Variants in GPR89A observed in about 807,000 individuals in gnomAD.
The protein encoded by GPR89A is golgi pH regulator A, also known as G protein-coupled receptor 89A.
GPR89A carries 16 observed loss-of-function variants against 52.0 expected under a neutral mutation model. The observed-to-expected ratio is 0.31, with a 90% CI of 0.21 to 0.47. GPR89A has a LOEUF of 0.47. GPR89A is among the 20% of genes least tolerant of loss of function. The pLI is 1.00. For missense variants in GPR89A, 135 were observed against 449.4 expected (o/e 0.30, Z 6.33); for synonymous variants, 55 against 150.9 (o/e 0.36, Z 4.66).
chr1:145,628,687 G>A (rs190704795), intron 5 of GPR89A, among the ~76,000 whole-genome samples: 51 of 152,274 alleles, frequency 3.3e-4, no homozygotes, highest in Non-Finnish European at 6.9e-4. Flanking sequence ...CCTAGTCATA[G>A]CAGGTGCTTG....
At chr1:145,619,606 AG>A (rs1405883864) in intron 3 of GPR89A, among the ~76,000 whole-genome samples, 7 of 152,148 alleles carry the variant, frequency 4.6e-5, no homozygotes, top group Non-Finnish European at 1.0e-4. Context: ...CTTAAAAAAA[AG>A]AGTGAGAGAG....
rs1368050215 is a variant in GPR89A at position 145,668,146 on chromosome 1, A to G, written c.1096-1479A>G. 4.6e-5 allele frequency among the ~76,000 whole-genome samples: 7 copies of G among 152,272 alleles called. No homozygotes were observed. In the East Asian group the frequency reaches 1.2e-3, roughly 25 times the overall value. The stretch of plus-strand genomic sequence containing the variant: ...GCTTGATGTGGATGGCATTGAATCT[A>G]TAAATTACCTTGGGCAGTATGGCCA... On this transcript the variant is annotated intron_variant, in intron 12 of 13. Transcript: ENST00000313835.
chr1:145,615,021 A>G (rs1257983918), intron 1 of GPR89A, among the ~76,000 whole-genome samples: 4 of 152,222 alleles, frequency 2.6e-5, no homozygotes, highest in East Asian at 1.9e-4. Flanking sequence ...TTATTCATAA[A>G]GGTCCTAGCC....
intron 1 of GPR89A, among the ~76,000 whole-genome samples, chr1:145,615,366 C>T (rs1300907839): frequency 6.6e-6 from 1 of 152,030 alleles, no homozygotes; most frequent in African/African-American, 2.4e-5. Flanking sequence ...TTTTTTGAGA[C>T]AGGGTCTCAC....
intron 1 of GPR89A, among the ~76,000 whole-genome samples, chr1:145,609,830 C>T (rs185913255): frequency 2.0e-5 from 3 of 152,118 alleles, no homozygotes; most frequent in African/African-American, 7.2e-5. Flanking sequence ...CCCAAAGATT[C>T]CTTTGCATGG....
At chr1:145,644,805 G>A (rs1184535127) in intron 8 of GPR89A, 1 of 152,362 alleles carries the variant, frequency 6.6e-6, no homozygotes, top group African/African-American at 2.4e-5. Context: ...GTTCTTTCCT[G>A]ATTGGTTATG....
intron 1 of GPR89A, among the ~76,000 whole-genome samples, chr1:145,611,299 G>A (rs1380997084): frequency 4.6e-5 from 7 of 151,706 alleles, no homozygotes; most frequent in African/African-American, 1.5e-4. Flanking sequence ...CAGGTACTGA[G>A]CATAGTACTC....
At chr1:145,635,856 G>T (rs1444312494) in intron 7 of GPR89A, among the ~76,000 whole-genome samples, 3 of 152,206 alleles carry the variant, frequency 2.0e-5, no homozygotes, top group Non-Finnish European at 4.4e-5. Context: ...CTACTTGGGA[G>T]GCTGAGGCAG....
intron 7 of GPR89A, among the ~76,000 whole-genome samples, chr1:145,642,688 T>TA (rs1650732791): frequency 6.6e-6 from 1 of 152,062 alleles, no homozygotes; most frequent in African/African-American, 2.4e-5. Context: ...TCACCATTTT[T>TA]ATCTTTTGCC....
intron 10 of GPR89A, among the ~76,000 whole-genome samples, chr1:145,661,428 C>T (rs1252699196): frequency 6.6e-6 from 1 of 151,036 alleles, no homozygotes; most frequent in Admixed American, 6.6e-5. Flanking sequence ...GCACAGTGTG[C>T]ACATGTACCC....
intron 5 of GPR89A, among the ~76,000 whole-genome samples, chr1:145,628,485 C>G (rs1489651731): frequency 1.1e-4 from 16 of 151,782 alleles, no homozygotes; most frequent in Non-Finnish European, 2.2e-4. Context: ...GTGGTTAAAG[C>G]CCAGACTCTG....
chr1:145,611,682 G>T, intron 1 of GPR89A: 1 of 6,280 alleles, frequency 1.6e-4, no homozygotes, highest in Admixed American at 2.8e-3. Flanking sequence ...TAGCAATCTT[G>T]GTGATTTTTT....
chr1:145,609,282 G>A (rs1559018204), intron 1 of GPR89A, among the ~76,000 whole-genome samples: 1 of 152,102 alleles, frequency 6.6e-6, no homozygotes, highest in Admixed American at 6.5e-5. Flanking sequence ...ACTCGTCTCC[G>A]TAGAGCGGAG....
At chr1:145,658,203 A>T (rs1265147157) in intron 10 of GPR89A, among the ~76,000 whole-genome samples, 2 of 152,138 alleles carry the variant, frequency 1.3e-5, no homozygotes, top group African/African-American at 2.4e-5. Flanking sequence ...TAAAAAGTAT[A>T]TATTTTTTTT....
At chr1:145,649,112 A>AT (rs1159255410) in intron 10 of GPR89A, among the ~76,000 whole-genome samples, 5 of 152,070 alleles carry the variant, frequency 3.3e-5, no homozygotes, top group South Asian at 2.1e-4. Context: ...CCAGCATGTC[A>AT]TTTTTTAACA....
intron 1 of GPR89A, among the ~76,000 whole-genome samples, chr1:145,612,939 C>CTCTA (rs1553686416): frequency 6.6e-6 from 1 of 152,122 alleles, no homozygotes; most frequent in African/African-American, 2.4e-5. Context: ...TGGTTCCTGC[C>CTCTA]TCTACCTCAC....
At chr1:145,664,296 T>A (rs1448983686) in intron 11 of GPR89A, among the ~76,000 whole-genome samples, 1 of 152,144 alleles carries the variant, frequency 6.6e-6, no homozygotes, top group Non-Finnish European at 1.5e-5. Context: ...CAATAGTGTA[T>A]CCTCTTTGAG....
chr1:145,637,410 G>T (rs1272408203), intron 7 of GPR89A, among the ~76,000 whole-genome samples: 1 of 150,668 alleles, frequency 6.6e-6, no homozygotes, highest in South Asian at 2.1e-4. Flanking sequence ...AAAAGGAGAA[G>T]CTAGAAACCA....
rs587769864 is a variant in GPR89A at position 145,608,065 on chromosome 1, C to T, written c.-69C>T. The T allele has an allele frequency of 1.6e-5, 25 of 1,593,410 alleles. No homozygotes were observed. The highest frequency in any genetic ancestry group is 7.7e-5 in the South Asian group (7 of 90,452). ...GAGAAGGCAGACCGTGTGAGGGGGCCTGTGGCCCCAGCGTGCTGTGGCCTC... is the reference window on the plus strand; with the variant it reads ...GAGAAGGCAGACCGTGTGAGGGGGCTTGTGGCCCCAGCGTGCTGTGGCCTC... On this transcript the variant is annotated 5_prime_UTR_variant, in exon 1 of 14. Coordinates refer to ENST00000313835, the MANE Select transcript of GPR89A (RefSeq NM_001097612.2).
Sources: allele counts gnomAD v4.1 joint callset (sites outside exome capture counted in the v4.1 genomes callset), GRCh38; gene constraint gnomAD v4.1.1; transcripts MANE v1.5; gene names NCBI Gene and HGNC (gene_info 2026-07-23, HGNC 2026-07-21).